The following NRG1 variants were observed in gnomAD, a reference collection of about 807,000 sequenced individuals.
NRG1 encodes the protein pro-neuregulin-1, membrane-bound isoform.
A neutral mutation model predicts 63.8 loss-of-function variants in NRG1; 18 were observed. The ratio of observed to expected loss-of-function variants is 0.28; its 90% CI spans 0.19 to 0.42. The LOEUF (loss-of-function observed/expected upper bound fraction) is 0.42. NRG1 is among the 10% of genes least tolerant of loss of function. The probability of loss-of-function intolerance (pLI) is 1.00; values close to 1 mark genes in which losing one functional copy is unlikely to be tolerated. For synonymous variants in NRG1, 302 were observed against 301.3 expected, an observed-to-expected ratio of 1.00 and a Z score of -0.02; for missense variants, 762 against 814.7, an observed-to-expected ratio of 0.94 and a Z score of 0.79.
intron 1 of NRG1, among the ~76,000 whole-genome samples, chr8:31,990,956 T>G (rs1436547295): frequency 1.3e-5 from 2 of 152,110 alleles, no homozygotes; most frequent in Non-Finnish European, 2.9e-5. Flanking sequence ...TCATTTCAAC[T>G]GAGAAGTGAA....
At chr8:32,260,478 C>G (rs1850243973) in intron 1 of NRG1, among the ~76,000 whole-genome samples, 1 of 152,218 alleles carries the variant, frequency 6.6e-6, no homozygotes, top group Non-Finnish European at 1.5e-5. Flanking sequence ...GTGCTCAGGT[C>G]TTTTGCTCCT....
intron 1 of NRG1, among the ~76,000 whole-genome samples, chr8:31,833,867 G>T (rs1370166965): frequency 2.0e-5 from 3 of 152,080 alleles, no homozygotes; most frequent in Non-Finnish European, 4.4e-5. Context: ...AATTTTAACA[G>T]AAGTTTTTCT....
At chr8:31,782,926 C>T (rs1586378693) in intron 1 of NRG1, among the ~76,000 whole-genome samples, 1 of 151,982 alleles carries the variant, frequency 6.6e-6, no homozygotes, top group Non-Finnish European at 1.5e-5. Context: ...GTTCACAAAG[C>T]CAGGGTTATG....
At chr8:32,573,880 C>T (rs1482074015) in intron 1 of NRG1, among the ~76,000 whole-genome samples, 2 of 152,074 alleles carry the variant, frequency 1.3e-5, no homozygotes, top group Non-Finnish European at 2.9e-5. Flanking sequence ...TCAATTCCCA[C>T]CTATGAGTGA....
chr8:32,533,413 A>C (rs964827271), intron 1 of NRG1, among the ~76,000 whole-genome samples: 1 of 152,128 alleles, frequency 6.6e-6, no homozygotes, highest in Non-Finnish European at 1.5e-5. Context: ...TGCATGGGCA[A>C]CTACTTAAAT....
rs541345787 is a variant in NRG1, at chr8:31,824,302, G to T, written c.37+184871G>T. On this transcript the variant is annotated intron_variant, in intron 1 of 10. Coordinates refer to the NRG1 transcript ENST00000519301. Reference sequence around the variant, plus strand: ...TGGTTTTTTGTCCTTGCGATAGTTTGCTGAGAATGATGGTTTCCAGCTTCA... The same window carrying T: ...TGGTTTTTTGTCCTTGCGATAGTTTTCTGAGAATGATGGTTTCCAGCTTCA... Among the ~76,000 whole-genome samples the T allele has an allele frequency of 3.3e-5, 5 of 151,726 alleles. No homozygotes were observed. In the South Asian group the frequency reaches 1.0e-3, roughly 32 times the overall value.
At chr8:32,088,372 A>G (rs1042837599) in intron 1 of NRG1, among the ~76,000 whole-genome samples, 3 of 152,206 alleles carry the variant, frequency 2.0e-5, no homozygotes, top group Non-Finnish European at 4.4e-5. Context: ...TTATATGGGT[A>G]AACATTGTGG....
At chr8:32,621,296 C>T (rs1240155793) in intron 5 of NRG1, among the ~76,000 whole-genome samples, 1 of 152,046 alleles carries the variant, frequency 6.6e-6, no homozygotes, top group Admixed American at 6.6e-5. Context: ...GCATCTGTGA[C>T]TAAAAACTTA....
intron 1 of NRG1, among the ~76,000 whole-genome samples, chr8:31,957,678 C>A (rs537261399): frequency 1.3e-5 from 2 of 150,712 alleles, no homozygotes; most frequent in Non-Finnish European, 2.9e-5. Flanking sequence ...TTTGCACTGA[C>A]AGCCCATCAC....
At chr8:32,016,251 TG>T (rs1033865167) in intron 1 of NRG1, among the ~76,000 whole-genome samples, 8 of 152,028 alleles carry the variant, frequency 5.3e-5, no homozygotes, top group African/African-American at 1.7e-4. Context: ...TTTGTAGAGA[TG>T]GGGTCTTGCT....
At chr8:32,085,049 T>G (rs941316054) in intron 1 of NRG1, among the ~76,000 whole-genome samples, 1 of 152,236 alleles carries the variant, frequency 6.6e-6, no homozygotes, top group African/African-American at 2.4e-5. Flanking sequence ...GCGTAACTGC[T>G]GGGCTGCTCT....
chr8:32,442,225 G>A (rs1013616756), intron 1 of NRG1, among the ~76,000 whole-genome samples: 1 of 152,156 alleles, frequency 6.6e-6, no homozygotes, highest in Non-Finnish European at 1.5e-5. Flanking sequence ...AAGAGTGTTT[G>A]CTTTTCTCCA....
At chr8:31,879,142 A>T (rs1051859408) in intron 1 of NRG1, among the ~76,000 whole-genome samples, 13 of 152,220 alleles carry the variant, frequency 8.5e-5, no homozygotes, top group African/African-American at 3.1e-4. Flanking sequence ...ACCTGCAAGG[A>T]TAATTGAGGA....
intron 1 of NRG1, among the ~76,000 whole-genome samples, chr8:32,258,185 A>G (rs769484100): frequency 2.6e-5 from 4 of 152,198 alleles, no homozygotes; most frequent in Non-Finnish European, 5.9e-5. Context: ...TTATGCATTT[A>G]CGTGTGAAGG....
At chr8:32,434,418 A>C (rs770821650) in intron 1 of NRG1, among the ~76,000 whole-genome samples, 14 of 152,160 alleles carry the variant, frequency 9.2e-5, no homozygotes, top group Non-Finnish European at 1.9e-4. Context: ...AATTTAAAAC[A>C]TTAGGATTCA....
chr8:31,912,245 CTG>C (rs1453701370), intron 1 of NRG1, among the ~76,000 whole-genome samples: 1 of 152,058 alleles, frequency 6.6e-6, no homozygotes, highest in Non-Finnish European at 1.5e-5. Flanking sequence ...TGATTGATAA[CTG>C]TTTTTTGTCA....
chr8:32,334,049 C>T (rs984765837), intron 1 of NRG1, among the ~76,000 whole-genome samples: 3 of 152,170 alleles, frequency 2.0e-5, no homozygotes, highest in African/African-American at 7.2e-5. Flanking sequence ...CAATTAAAAA[C>T]TTGCATCCAT....
intron 1 of NRG1, among the ~76,000 whole-genome samples, chr8:32,412,461 T>TATATATGTATATATATAC (rs1815217348): frequency 1.0e-5 from 1 of 99,636 alleles, no homozygotes; most frequent in African/African-American, 3.7e-5. Context: ...TACATATATA[T>TATATATGTATATATATAC]ATATATATAT....
rs192697652 is a variant in NRG1 at position 32,471,093 on chromosome 8, A to C, written c.38-124735A>C. Among the ~76,000 whole-genome samples, 451 of 152,304 alleles carry C rather than the reference A, an allele frequency of 3.0e-3. 2 individuals carry two copies. Among genetic ancestry groups the C allele is most frequent in the Non-Finnish European group, 4.9e-3 (334 of 68,028 alleles). On this transcript the variant is annotated intron_variant, in intron 1 of 10. Transcript: ENST00000519301. ...CTGGGGATTGCAGGCTGTTTAATAG[A>C]AGTTATCAACATATGGAGTCATTTA...
Sources: allele counts gnomAD v4.1 joint callset (sites outside exome capture counted in the v4.1 genomes callset), GRCh38; gene constraint gnomAD v4.1.1; transcripts MANE v1.5; gene names NCBI Gene and HGNC (gene_info 2026-07-23, HGNC 2026-07-21).